Variants in DENND1A observed in about 807,000 individuals in gnomAD.
The protein encoded by DENND1A is DENN domain containing 1A.
A neutral mutation model predicts 113.7 loss-of-function variants in DENND1A; 51 were observed. That is an observed-to-expected ratio of 0.45 (90% confidence interval 0.36 to 0.57). The LOEUF (loss-of-function observed/expected upper bound fraction) is 0.57. Ranked by LOEUF, DENND1A falls within the 20% of genes least tolerant of loss-of-function variation. The pLI is 0.00. For missense variants in DENND1A, 1,258 were observed against 1,395.9 expected (o/e 0.90, Z 1.57); for synonymous variants, 565 against 570.8 (o/e 0.99, Z 0.14).
chr9:123,406,774 G>A (rs1010194962), intron 20 of DENND1A, among the ~76,000 whole-genome samples: 1 of 152,256 alleles, frequency 6.6e-6, no homozygotes, highest in African/African-American at 2.4e-5. Context: ...CCCAACTTCT[G>A]CCCACAAAAG....
intron 19 of DENND1A, among the ~76,000 whole-genome samples, chr9:123,421,937 G>A (rs567263889): frequency 3.4e-4 from 51 of 151,954 alleles, no homozygotes; most frequent in African/African-American, 1.2e-3. Context: ...GCCCCCTCAC[G>A]GGCCATGGCC....
chr9:123,567,127 T>C (rs558691307), intron 12 of DENND1A, among the ~76,000 whole-genome samples: 11 of 151,958 alleles, frequency 7.2e-5, no homozygotes, highest in Admixed American at 1.3e-4. Flanking sequence ...ATCCGGGGAG[T>C]GTTTTCAAAG....
At chr9:123,663,587 T>C (rs1403966935) in intron 8 of DENND1A, among the ~76,000 whole-genome samples, 1 of 151,648 alleles carries the variant, frequency 6.6e-6, no homozygotes, top group Non-Finnish European at 1.5e-5. Flanking sequence ...ACTAAATTCC[T>C]AGAGAAAGGT....
intron 19 of DENND1A, among the ~76,000 whole-genome samples, chr9:123,419,608 T>C (rs1481736962): frequency 6.6e-6 from 1 of 152,246 alleles, no homozygotes; most frequent in African/African-American, 2.4e-5. Context: ...CAAAGCCTTC[T>C]GTAGTTTTAC....
At chr9:123,917,682 G>T (rs1258884779) in intron 1 of DENND1A, among the ~76,000 whole-genome samples, 1 of 151,978 alleles carries the variant, frequency 6.6e-6, no homozygotes, top group African/African-American at 2.4e-5. Context: ...TAAATCCCAG[G>T]CTGTGATTTC....
intron 2 of DENND1A, among the ~76,000 whole-genome samples, chr9:123,817,134 T>C (rs1242923461): frequency 6.6e-6 from 1 of 152,142 alleles, no homozygotes; most frequent in Non-Finnish European, 1.5e-5. Flanking sequence ...AATGGTAACA[T>C]TGAGGTTTAA....
intron 2 of DENND1A, among the ~76,000 whole-genome samples, chr9:123,841,420 T>C (rs551463232): frequency 6.6e-6 from 1 of 152,338 alleles, no homozygotes; most frequent in East Asian, 1.9e-4. Flanking sequence ...ATAAATTACC[T>C]AATTTTCAGT....
intron 18 of DENND1A, among the ~76,000 whole-genome samples, chr9:123,445,699 C>T (rs563517258): frequency 2.6e-5 from 4 of 152,252 alleles, no homozygotes; most frequent in East Asian, 1.9e-4. Flanking sequence ...GGCAAAACCC[C>T]GTCTCTACAA....
At chr9:123,748,373 C>G (rs1288403112) in intron 5 of DENND1A, among the ~76,000 whole-genome samples, 1 of 152,108 alleles carries the variant, frequency 6.6e-6, no homozygotes, top group Non-Finnish European at 1.5e-5. Context: ...AAATAACATC[C>G]TAAAAATAAG....
chr9:123,408,654 C>T (rs2044071995), intron 20 of DENND1A, among the ~76,000 whole-genome samples: 1 of 152,152 alleles, frequency 6.6e-6, no homozygotes, highest in Non-Finnish European at 1.5e-5. Context: ...GCCATCAACC[C>T]AGGAGGTCCA....
At chr9:123,691,194 G>A (rs2065169148) in intron 5 of DENND1A, among the ~76,000 whole-genome samples, 1 of 152,196 alleles carries the variant, frequency 6.6e-6, no homozygotes, top group Non-Finnish European at 1.5e-5. Flanking sequence ...ATAAATGTGT[G>A]CCAGCCCTGT....
At chr9:123,407,704 AAC>A (rs1305910304) in intron 20 of DENND1A, among the ~76,000 whole-genome samples, 1 of 152,110 alleles carries the variant, frequency 6.6e-6, no homozygotes, top group Admixed American at 6.5e-5. Flanking sequence ...GAAAATGCTA[AAC>A]AGAGATTTCC....
At chr9:123,746,398 A>T (rs1488191768) in intron 5 of DENND1A, among the ~76,000 whole-genome samples, 1 of 152,230 alleles carries the variant, frequency 6.6e-6, no homozygotes, top group Non-Finnish European at 1.5e-5. Flanking sequence ...ATTGAAAAAA[A>T]ATCAAAGTAT....
chr9:123,832,876 A>C (rs1840459479), intron 2 of DENND1A, among the ~76,000 whole-genome samples: 1 of 152,142 alleles, frequency 6.6e-6, no homozygotes, highest in South Asian at 2.1e-4. Flanking sequence ...ATTTGCTCAC[A>C]CTGTAATCAT....
chr9:123,838,967 T>C (rs1007194004), intron 2 of DENND1A, among the ~76,000 whole-genome samples: 3 of 152,170 alleles, frequency 2.0e-5, no homozygotes, highest in Middle Eastern at 3.2e-3. Context: ...AAGCCACACA[T>C]GGGCAAGAGC....
At chr9:123,898,489 C>T (rs1412358844) in intron 1 of DENND1A, among the ~76,000 whole-genome samples, 1 of 152,034 alleles carries the variant, frequency 6.6e-6, no homozygotes, top group Non-Finnish European at 1.5e-5. Context: ...CCACCACATC[C>T]AGCTATTTTT....
chr9:123,573,396 T>C (rs1454734228), intron 12 of DENND1A, among the ~76,000 whole-genome samples: 2 of 152,146 alleles, frequency 1.3e-5, no homozygotes, highest in Non-Finnish European at 2.9e-5. Context: ...CTTAAAAATA[T>C]TGAGTAAAAA....
chr9:123,825,577 CT>C (rs1037655582), intron 2 of DENND1A, among the ~76,000 whole-genome samples: 3 of 152,260 alleles, frequency 2.0e-5, no homozygotes, highest in Non-Finnish European at 4.4e-5. Context: ...ATCACAACAG[CT>C]GCCTGGCTTG....
intron 2 of DENND1A, among the ~76,000 whole-genome samples, chr9:123,812,026 C>T (rs1037936752): frequency 2.0e-5 from 3 of 152,132 alleles, no homozygotes; most frequent in African/African-American, 4.8e-5. Context: ...TACACATCTA[C>T]ACTATATGGT....
Sources: gnomAD v4.1 joint callset for allele counts (sites outside exome capture counted in the v4.1 genomes callset) on GRCh38, gnomAD v4.1.1 for gene constraint, MANE v1.5 for transcripts, NCBI Gene and HGNC (gene_info 2026-07-23, HGNC 2026-07-21) for gene names.